FYB2: variants seen among roughly 807,000 people sequenced by gnomAD.
FYB2 encodes the protein FYN-binding protein 2.
In FYB2, 103 loss-of-function variants were observed where a neutral mutation model predicts 94.1. That is an observed-to-expected ratio of 1.09 (90% CI 0.93 to 1.29). FYB2 has a LOEUF of 1.29. Among genes scored for constraint, FYB2 ranks in the 50% most tolerant of loss-of-function variants. The pLI is 0.00. For missense variants in FYB2, 896 were observed against 841.5 expected, an observed-to-expected ratio of 1.06 and a Z score of -0.80; for synonymous variants, 293 against 287.9, an observed-to-expected ratio of 1.02 and a Z score of -0.18.
At chr1:56,809,344 C>T (rs1444298098) in intron 1 of FYB2, among the ~76,000 whole-genome samples, 1 of 151,178 alleles carries the variant, frequency 6.6e-6, no homozygotes, top group East Asian at 2.1e-4. Flanking sequence ...TTTTCCTCTT[C>T]TCTCTCCCTC....
At chr1:56,757,687 C>CTTCCTTTTTTCTTTCTTTCT in intron 6 of FYB2, among the ~76,000 whole-genome samples, 1 of 71,956 alleles carries the variant, frequency 1.4e-5, no homozygotes. Context: ...TCCTTCCTTC[C>CTTCCTTTTTTCTTTCTTTCT]TTCTTTCTTT....
chr1:56,826,575 T>G, the FYB2 span: 9 of 152,332 alleles, frequency 5.9e-5, no homozygotes, highest in African/African-American at 9.6e-5. Flanking sequence ...CTGTGCCATG[T>G]CCCTTAACCT....
intron 1 of FYB2, among the ~76,000 whole-genome samples, chr1:56,797,259 G>A (rs1221329002): frequency 6.6e-6 from 1 of 152,160 alleles, no homozygotes; most frequent in Non-Finnish European, 1.5e-5. Context: ...GTATGAGGCT[G>A]GAGAAGAAAG....
chr1:56,791,260 CTTT>C (rs34101290), intron 2 of FYB2, among the ~76,000 whole-genome samples: 1 of 143,758 alleles, frequency 7.0e-6, no homozygotes, highest in African/African-American at 2.6e-5. Context: ...CAGTCCTTAT[CTTT>C]TTTTTTTTTT....
At chr1:56,812,030 TG>T (rs1646780827) in intron 1 of FYB2, among the ~76,000 whole-genome samples, 3 of 152,034 alleles carry the variant, frequency 2.0e-5, no homozygotes. Context: ...GCTCAGAAAG[TG>T]GTTTGAATTC....
At chr1:56,744,099 A>G (rs542269463) in intron 10 of FYB2, 33 bp from the exon 11 acceptor site, 53 of 1,612,464 alleles carry the variant, frequency 3.3e-5, no homozygotes, top group Non-Finnish European at 4.2e-5. Context: ...CCATTATTGT[A>G]CCTTTAAAGT....
At chr1:56,751,827 C>A (rs1392218988) in intron 8 of FYB2, among the ~76,000 whole-genome samples, 1 of 151,944 alleles carries the variant, frequency 6.6e-6, no homozygotes, top group African/African-American at 2.4e-5. Flanking sequence ...ATAATGCATG[C>A]AAATGATTAA....
intron 4 of FYB2, among the ~76,000 whole-genome samples, chr1:56,784,506 T>C (rs542791195): frequency 6.6e-6 from 1 of 152,190 alleles, no homozygotes; most frequent in East Asian, 1.9e-4. Context: ...TTAAAGCTAT[T>C]GCACATTATG....
chr1:56,719,504 T>G lies in FYB2; in HGVS notation c.*167A>C. 1 of 583,144 alleles carries G rather than the reference T, an allele frequency of 1.7e-6. No homozygotes were observed. The highest frequency in any genetic ancestry group is 1.9e-5 in the African/African-American group (1 of 52,856). The allele number at this position is 583,144 out of a possible 1,614,324, so 36.1% of individuals were successfully genotyped here. A position where few individuals can be genotyped will look rare whatever the true frequency, so the allele number is the denominator to read the frequency against. On this transcript the variant is annotated 3_prime_UTR_variant, in exon 20 of 20. Coordinates refer to ENST00000343433, the MANE Select transcript of FYB2 (RefSeq NM_001004303.5). The stretch of plus-strand genomic sequence containing the variant: ...TTTAGGAGTAAAACCAACATCTAAA[T>G]GTTGAGGATTTGTTTTTATTTTTCT...
rs769978066 is a variant in FYB2 at position 56,767,894 on chromosome 1, G to C, written c.998C>G (p.Thr333Arg). The C allele has an allele frequency of 6.2e-7, 1 of 1,612,112 alleles. No homozygotes were observed. The highest frequency in any genetic ancestry group is 1.1e-5 in the South Asian group (1 of 90,620). Residue 333 changes from threonine to arginine, a missense_variant, in exon 5 of 20, where the codon ACA becomes AGA. Transcript: ENST00000343433. ...GCCAGAGTGTCTCAGATATGAAATT[G>C]TTGCCTCGTAATTATGTGGTTCTTC... The part of the protein sequence containing the change: ...EFEEPHNYEA[T>R]ISYLRHSGNS...
chr1:56,788,821 T>TG, intron 3 of FYB2, 152 bp downstream of exon 3: 1 of 1,117,060 alleles, frequency 9.0e-7, no homozygotes, highest in South Asian at 1.4e-5. Context: ...CATCGTTTCA[T>TG]GGGCAAGCTG....
At chr1:56,741,770 G>C (rs750671736) in intron 12 of FYB2, among the ~76,000 whole-genome samples, 6 of 151,804 alleles carry the variant, frequency 4.0e-5, no homozygotes, top group Non-Finnish European at 8.8e-5. Context: ...AGAGACACAG[G>C]TAAGTCATAA....
At chr1:56,808,940 C>G (rs952696540) in intron 1 of FYB2, among the ~76,000 whole-genome samples, 1 of 152,168 alleles carries the variant, frequency 6.6e-6, no homozygotes, top group Non-Finnish European at 1.5e-5. Flanking sequence ...TATTAATCCT[C>G]TATATTAGAT....
At chr1:56,742,070 G>A (rs1280242474) in intron 12 of FYB2, 91 bp downstream of exon 12, 2 of 1,081,394 alleles carry the variant, frequency 1.8e-6, no homozygotes, top group African/African-American at 1.6e-5. Flanking sequence ...GTGGGGCTGG[G>A]GGGCGGATGG....
At chr1:56,826,340 C>T in the FYB2 span, among the ~76,000 whole-genome samples, 1 of 152,218 alleles carries the variant, frequency 6.6e-6, no homozygotes. Flanking sequence ...CTCTAACTCT[C>T]TAATGCCTAC....
Position 56,785,053 on chromosome 1 carries a change from G to A in FYB2, c.953+2122C>T, listed in dbSNP as rs186248647. ...TGTTTAGTGAAACCTCATTTCAGAC[G>A]GAGGTTAGCTTCCAAAATCAGCATG... On this transcript the variant is annotated intron_variant, in intron 4 of 19. Transcript: ENST00000343433. 1.2e-4 allele frequency among the ~76,000 whole-genome samples: 19 copies of A among 152,228 alleles called. No homozygotes were observed. In the East Asian group the frequency reaches 2.1e-3, roughly 17 times the overall value.
intron 12 of FYB2, among the ~76,000 whole-genome samples, chr1:56,741,873 T>A (rs971541089): frequency 2.0e-5 from 3 of 152,096 alleles, no homozygotes; most frequent in African/African-American, 7.2e-5. Context: ...TAACCCAATA[T>A]CAAAATCATT....
At chr1:56,773,406 C>T (rs1645805595) in intron 4 of FYB2, among the ~76,000 whole-genome samples, 1 of 152,134 alleles carries the variant, frequency 6.6e-6, no homozygotes. Context: ...TAATAGCTAC[C>T]ATTTCTTGAG....
rs369781349 is a variant in FYB2 at position 56,719,971 on chromosome 1, C to T, written c.2165+51G>A. 3.4e-5 allele frequency: 51 copies of T among 1,510,446 alleles called. No individual in the cohort carries two copies. In the African/African-American group the frequency reaches 6.3e-4, roughly 19 times the overall value. 93.6% of individuals were successfully genotyped at this position (1,510,446 alleles called of 1,614,324 possible). ...AGTCTTCTCTTGAGACTAATGTATA[C>T]AACAATGTATTAGGAACTCATGATT... On this transcript the variant is annotated intron_variant, in intron 19 of 19. Transcript: ENST00000343433.
Sources: gnomAD v4.1 joint callset for allele counts (sites outside exome capture counted in the v4.1 genomes callset) on GRCh38, gnomAD v4.1.1 for gene constraint, MANE v1.5 for transcripts, NCBI Gene and HGNC (gene_info 2026-07-23, HGNC 2026-07-21) for gene names.